Variants in SMTNL2 observed in about 807,000 individuals in gnomAD.
The protein encoded by SMTNL2 is smoothelin like 2, also known as smoothelin-like protein 2.
A neutral mutation model predicts 44.1 loss-of-function variants in SMTNL2; 43 were observed. That is an observed-to-expected ratio of 0.98 (90% CI 0.76 to 1.26). The LOEUF (loss-of-function observed/expected upper bound fraction) is 1.26. Among genes scored for constraint, SMTNL2 ranks in the 50% most tolerant of loss-of-function variants. The probability of loss-of-function intolerance (pLI) is 0.00; values close to 1 mark genes in which losing one functional copy is unlikely to be tolerated. For missense variants in SMTNL2, 646 were observed against 670.2 expected (o/e 0.96, Z 0.40); for synonymous variants, 317 against 287.6 (o/e 1.10, Z -1.03).
chr17:4,605,472 A>T (rs1400145878), intron 7 of SMTNL2, among the ~76,000 whole-genome samples: 1 of 151,912 alleles, frequency 6.6e-6, no homozygotes, highest in Non-Finnish European at 1.5e-5. Flanking sequence ...CATCTTTAAC[A>T]TTTATTAGCT....
intron 7 of SMTNL2, among the ~76,000 whole-genome samples, chr17:4,599,058 G>A (rs373027259): frequency 1.1e-4 from 17 of 152,220 alleles, no homozygotes; most frequent in East Asian, 9.6e-4. Flanking sequence ...ACCTGAGATA[G>A]CTGCCCCTCT....
chr17:4,597,420 C>T lies in SMTNL2; in HGVS notation c.1259+97C>T, dbSNP rs1307625515. On this transcript the variant is annotated intron_variant, in intron 7 of 7. Transcript: ENST00000389313. ...GCATGGGGGCGAGTGGGATGTCGGGCCGCTGTCTGCAAAGCTGAAGGACCC... is the reference window on the plus strand; with the variant it reads ...GCATGGGGGCGAGTGGGATGTCGGGTCGCTGTCTGCAAAGCTGAAGGACCC... 15 of 1,520,470 alleles carry T rather than the reference C, an allele frequency of 9.9e-6. No homozygotes were observed. The East Asian group carries it at 2.5e-4, about 25-fold the overall frequency. 94.2% of individuals were successfully genotyped at this position (1,520,470 alleles called of 1,614,324 possible).
chr17:4,594,658 C>A (rs60549416), intron 4 of SMTNL2, among the ~76,000 whole-genome samples: 18,752 of 151,688 alleles, frequency 0.12, 1,472 homozygotes, highest in Non-Finnish European at 0.18. Flanking sequence ...GGCCTCCCCC[C>A]AGCCAGCCAG....
chr17:4,604,169 A>G (rs941401923), intron 7 of SMTNL2, among the ~76,000 whole-genome samples: 9 of 152,262 alleles, frequency 5.9e-5, no homozygotes, highest in East Asian at 3.9e-4. Flanking sequence ...TCAATGCTTT[A>G]TCATCGACAA....
At chr17:4,601,995 G>A (rs1256195305) in intron 7 of SMTNL2, among the ~76,000 whole-genome samples, 1 of 152,032 alleles carries the variant, frequency 6.6e-6, no homozygotes, top group East Asian at 1.9e-4. Flanking sequence ...TCCAGCCTAT[G>A]TCTGCAGCTT....
At chr17:4,586,941 A>C (rs7210437) in intron 1 of SMTNL2, among the ~76,000 whole-genome samples, 79,179 of 151,970 alleles carry the variant, frequency 0.52, 22,963 homozygotes, top group Non-Finnish European at 0.64. Flanking sequence ...CTCCAGGTGA[A>C]GCTGTCCCAG....
intron 7 of SMTNL2, among the ~76,000 whole-genome samples, chr17:4,599,660 C>T (rs1354000637): frequency 2.0e-5 from 3 of 152,038 alleles, no homozygotes; most frequent in Non-Finnish European, 2.9e-5. Flanking sequence ...AGGGATGCCC[C>T]GGGCCATGGG....
chr17:4,603,056 C>T (rs555449677), intron 7 of SMTNL2, among the ~76,000 whole-genome samples: 5 of 152,356 alleles, frequency 3.3e-5, no homozygotes, highest in African/African-American at 1.2e-4. Context: ...GACTGCCACC[C>T]TGGACTTGAA....
chr17:4,604,541 G>A (rs1401179289), intron 7 of SMTNL2, among the ~76,000 whole-genome samples: 3 of 152,228 alleles, frequency 2.0e-5, no homozygotes, highest in Non-Finnish European at 4.4e-5. Context: ...GGATGGGTCA[G>A]AGGAGTCTTG....
rs538037200 is a variant in SMTNL2 at position 4,584,912 on chromosome 17, C to T, written c.307C>T (p.Pro103Ser). ...VPGTPGTPSPPPAPGVPDRAP... is the reference protein window; with the variant it reads ...VPGTPGTPSPSPAPGVPDRAP... Reference sequence around the variant, plus strand: ...CGGCACTCCCGGCACGCCCAGCCCCCCGCCCGCGCCCGGGGTTCCCGACCG... The same window carrying T: ...CGGCACTCCCGGCACGCCCAGCCCCTCGCCCGCGCCCGGGGTTCCCGACCG... The change falls in exon 1 of 8, where the codon CCG becomes TCG. Residue 103 changes from proline (P) to serine (S), a missense_variant. Pro to Ser is a moderately conservative substitution (Grantham distance 74, BLOSUM62 -1). Transcript: ENST00000389313. 2.3e-6 allele frequency: 3 copies of T among 1,292,686 alleles called. No homozygotes were observed. Among genetic ancestry groups the T allele is most frequent in the Non-Finnish European group, 2.9e-6 (3 of 1,025,740 alleles). 80.1% of individuals were successfully genotyped at this position (1,292,686 alleles called of 1,614,324 possible).
rs1211375011 is a variant in SMTNL2, at chr17:4,596,758, C to A, written c.990-102C>A. On this transcript the variant is annotated intron_variant, in intron 5 of 7. Transcript: ENST00000389313. ...CCTGGGTGAGCAGAGCAGGTGGGAGCACCCTCCTTGGTGGTGCCAGGACAG... is the reference window on the plus strand; with the variant it reads ...CCTGGGTGAGCAGAGCAGGTGGGAGAACCCTCCTTGGTGGTGCCAGGACAG... 1.1e-5 allele frequency: 12 copies of A among 1,067,492 alleles called. 1 individual carries two copies. The highest frequency in any genetic ancestry group is 1.5e-5 in the Non-Finnish European group (12 of 779,930). 66.1% of individuals were successfully genotyped at this position (1,067,492 alleles called of 1,614,324 possible).
intron 7 of SMTNL2, among the ~76,000 whole-genome samples, chr17:4,606,165 A>G (rs1363850696): frequency 6.6e-6 from 1 of 151,472 alleles, no homozygotes; most frequent in Admixed American, 6.6e-5. Flanking sequence ...CTCTGCCCCC[A>G]GGCTGGAGTG....
In SMTNL2 at chr17:4,584,971, C is replaced by T; in HGVS notation, c.366C>T (p.Ser122=). ...GCCTGGGCAGCGCACGCTTCGCCAGCCACGCCACCTTCTCGCTGTCCGGCC... is the reference window on the plus strand; with the variant it reads ...GCCTGGGCAGCGCACGCTTCGCCAGTCACGCCACCTTCTCGCTGTCCGGCC... ...APRLGSARFA[S]HATFSLSGRG... Residue 122 remains serine, a synonymous_variant, in exon 1 of 8, where the codon AGC becomes AGT. Transcript: ENST00000389313. 7.3e-7 allele frequency: 1 copy of T among 1,377,072 alleles called. No homozygotes were observed. The highest frequency in any genetic ancestry group is 2.7e-4 in the Middle Eastern group (1 of 3,718). The allele number at this position is 1,377,072 out of a possible 1,614,324, so 85.3% of individuals were successfully genotyped here.
chr17:4,584,451 C>G, upstream of SMTNL2: 1 of 825,046 alleles, frequency 1.2e-6, no homozygotes, highest in Non-Finnish European at 1.6e-6. Flanking sequence ...CCGGAGTCGT[C>G]CCCGGCTCCG....
intron 7 of SMTNL2, 82 bp downstream of exon 7, chr17:4,597,405 G>T (rs77390201): frequency 1.9e-6 from 3 of 1,563,506 alleles, no homozygotes; most frequent in Admixed American, 3.6e-5. Context: ...GCATGGGGGC[G>T]AGTGGGATGT....
At chr17:4,604,050 A>G (rs1048038571) in intron 7 of SMTNL2, among the ~76,000 whole-genome samples, 9 of 152,032 alleles carry the variant, frequency 5.9e-5, no homozygotes, top group Admixed American at 1.3e-4. Flanking sequence ...TCACCATGTT[A>G]GCCAGGATGG....
At position 4,595,345 on chromosome 17, in the gene SMTNL2, C is replaced by T. The variant is rs764156806; in HGVS notation, c.989+18C>T. 3.7e-6 allele frequency: 6 copies of T among 1,608,730 alleles called. No homozygotes were observed. In the African/African-American group the frequency reaches 6.7e-5, roughly 18 times the overall value. On this transcript the variant is annotated intron_variant, in intron 5 of 7. Coordinates refer to ENST00000389313, the MANE Select transcript of SMTNL2 (RefSeq NM_001114974.2). This position sits in a 1 kb window ranked among gnomAD's most constrained non-coding sequence, Gnocchi z 5.1. ...GCCGGCAAGTACGGATGCCCACTCA[C>T]AGACAGGCCCGGCCCCACGGTGTGC...
At chr17:4,586,512 A>AAG (rs10565578) in intron 1 of SMTNL2, among the ~76,000 whole-genome samples, 1,967 of 149,850 alleles carry the variant, frequency 0.013, 30 homozygotes, top group Middle Eastern at 0.049. Flanking sequence ...TGTACACACA[A>AAG]AGAGAGAGAG....
Position 4,607,246 on chromosome 17 carries a change from G to A in SMTNL2, c.1260-115G>A, listed in dbSNP as rs1910313900. 6.5e-7 allele frequency: 1 copy of A among 1,529,540 alleles called. No individual in the cohort carries two copies. The highest frequency in any genetic ancestry group is 8.9e-7 in the Non-Finnish European group (1 of 1,129,672). The allele number at this position is 1,529,540 out of a possible 1,614,324, so 94.7% of individuals were successfully genotyped here. A position where few individuals can be genotyped will look rare whatever the true frequency, so the allele number is the denominator to read the frequency against. Reference sequence around the variant, plus strand: ...GAATTCCCCGCTGGTGGGTCCTTGGGAACCTCTGGCTGCCGGCTGAGCTCT... The same window carrying A: ...GAATTCCCCGCTGGTGGGTCCTTGGAAACCTCTGGCTGCCGGCTGAGCTCT... On this transcript the variant is annotated intron_variant, in intron 7 of 7. Coordinates refer to ENST00000389313, the MANE Select transcript of SMTNL2 (RefSeq NM_001114974.2). The surrounding 1 kb of genome is among the most constrained non-coding windows in gnomAD (Gnocchi z 4.7).
Sources: gnomAD v4.1 joint callset for allele counts (sites outside exome capture counted in the v4.1 genomes callset) on GRCh38, gnomAD v4.1.1 for gene constraint, Gnocchi (gnomAD v3.1) non-coding constraint, MANE v1.5 for transcripts, NCBI Gene and HGNC (gene_info 2026-07-23, HGNC 2026-07-21) for gene names.